Variants in SLC47A1 observed in about 807,000 individuals in gnomAD.
The protein encoded by SLC47A1 is solute carrier family 47 member 1, also known as multidrug and toxin extrusion protein 1.
A neutral mutation model predicts 65.8 loss-of-function variants in SLC47A1; 58 were observed. The observed-to-expected ratio is 0.88, with a 90% CI of 0.71 to 1.10. SLC47A1 has a LOEUF of 1.10. Among genes scored for constraint, SLC47A1 ranks in the 50% least tolerant of loss-of-function variants. The pLI is 0.00. For missense variants in SLC47A1, 706 were observed against 719.2 expected (o/e 0.98, Z 0.21); for synonymous variants, 285 against 295.0 (o/e 0.97, Z 0.35).
chr17:19,549,762 C>A, intron 5 of SLC47A1, 85 bp downstream of exon 5: 2 of 1,426,946 alleles, frequency 1.4e-6, no homozygotes, highest in Non-Finnish European at 2.0e-6. Flanking sequence ...AGTGTATTGG[C>A]TCAGTCTTAG....
At chr17:19,534,934 T>C (rs1374022278) in intron 1 of SLC47A1, 1 of 152,164 alleles carries the variant, frequency 6.6e-6, no homozygotes, top group Non-Finnish European at 1.5e-5. Context: ...TGGTATGCAC[T>C]TAAGGCGTGA....
chr17:19,546,642 C>A, intron 3 of SLC47A1, 139 bp downstream of exon 3: 1 of 752,426 alleles, frequency 1.3e-6, no homozygotes, highest in Non-Finnish European at 2.2e-6. Flanking sequence ...TTCTCCTGGC[C>A]TGCTTTCTTT....
At chr17:19,544,110 A>T (rs1916226438) in intron 2 of SLC47A1, among the ~76,000 whole-genome samples, 1 of 151,854 alleles carries the variant, frequency 6.6e-6, no homozygotes, top group Non-Finnish European at 1.5e-5. Context: ...ACACCCAGCT[A>T]ATTTTTTGTA....
At chr17:19,547,583 C>G (rs904305558) in intron 3 of SLC47A1, among the ~76,000 whole-genome samples, 1 of 151,814 alleles carries the variant, frequency 6.6e-6, no homozygotes, top group African/African-American at 2.4e-5. Flanking sequence ...TGAATTAAGT[C>G]CAGAATATCA....
Position 19,571,500 on chromosome 17 carries a change from C to G in SLC47A1, c.1332C>G (p.Ile444Met), listed in dbSNP as rs767607174. The G allele has an allele frequency of 3.7e-6, 6 of 1,613,816 alleles. No individual in the cohort carries two copies. The highest frequency in any genetic ancestry group is 4.2e-6 in the Non-Finnish European group (5 of 1,179,896). ...TAGGTCTGTGGTCAGGGATCATCAT[C>G]TGTACAGTCTTTCAAGCTGTGTGTT... is the stretch of plus-strand genomic sequence containing the variant. ...GVMGLWSGII[I>M]CTVFQAVCFL... Residue 444 changes from isoleucine (I) to methionine (M), a missense_variant, in exon 15 of 17, where the codon ATC (isoleucine) becomes ATG (methionine). Physicochemically the swap from Ile to Met is conservative, Grantham distance 10. Coordinates refer to ENST00000270570, the MANE Select transcript of SLC47A1 (RefSeq NM_018242.3).
At chr17:19,549,362 T>C (rs1197029730) in intron 4 of SLC47A1, among the ~76,000 whole-genome samples, 1 of 151,638 alleles carries the variant, frequency 6.6e-6, no homozygotes, top group Non-Finnish European at 1.5e-5. Flanking sequence ...CCACACTTGG[T>C]TAATATTTGT....
At chr17:19,557,697 T>G in intron 10 of SLC47A1, 1 of 495,602 alleles carries the variant, frequency 2.0e-6, no homozygotes. Context: ...CTCTCGTTGG[T>G]GATAAGGAAC....
Position 19,560,372 on chromosome 17 carries a change from A to G in SLC47A1, c.1031-46A>G, listed in dbSNP as rs8081204. 24,550 of 1,612,294 alleles carry G rather than the reference A, an allele frequency of 0.015. 1,671 individuals are homozygous for G. The African/African-American group carries it at 0.19, about 12-fold the overall frequency. On this transcript the variant is annotated intron_variant, in intron 11 of 16. Coordinates refer to ENST00000270570, the MANE Select transcript of SLC47A1 (RefSeq NM_018242.3). ...ACCCAGGCTCCTCCACTTCCTGTGGATCTTCTTGTTCACTGTGTTGTTTCT... is the reference window on the plus strand; with the variant it reads ...ACCCAGGCTCCTCCACTTCCTGTGGGTCTTCTTGTTCACTGTGTTGTTTCT...
In SLC47A1 at chr17:19,577,863, A is replaced by G; in HGVS notation, c.*310A>G. 2 of 1,254,964 alleles carry G rather than the reference A, an allele frequency of 1.6e-6. No individual in the cohort carries two copies. The highest frequency in any genetic ancestry group is 2.0e-6 in the Non-Finnish European group (2 of 986,782). The allele number at this position is 1,254,964 out of a possible 1,614,324, so 77.7% of individuals were successfully genotyped here. ...TACTTCTGCTATTTTTTTAGACACA[A>G]ACCCATAAACTAACTGCTTAAGAAT... On this transcript the variant is annotated 3_prime_UTR_variant, in exon 17 of 17. Coordinates refer to ENST00000270570, the MANE Select transcript of SLC47A1 (RefSeq NM_018242.3).
At chr17:19,565,552 C>T (rs563901403) in intron 12 of SLC47A1, among the ~76,000 whole-genome samples, 3 of 150,596 alleles carry the variant, frequency 2.0e-5, no homozygotes, top group Admixed American at 6.6e-5. Flanking sequence ...GTTTAGTCAC[C>T]TGCAGTCAAT....
At chr17:19,548,259 G>A (rs771764639) in intron 4 of SLC47A1, 126 bp downstream of exon 4, 25 of 1,161,692 alleles carry the variant, frequency 2.2e-5, no homozygotes, top group East Asian at 5.0e-5. Context: ...CTTGGCTGAC[G>A]TCTCCTAGGT....
Position 19,577,177 on chromosome 17 carries a change from G to A in SLC47A1, c.1487-150G>A, listed in dbSNP as rs1334300201. ...AGGAGTGAGTGGAGGGGCACTCTGC[G>A]ATAAGATTTCTTTTATTTATTCACT... On this transcript the variant is annotated intron_variant, in intron 16 of 16. Transcript: ENST00000270570. 8 of 1,179,316 alleles carry A rather than the reference G, an allele frequency of 6.8e-6. No homozygotes were observed. In the East Asian group the frequency reaches 7.7e-5, roughly 11 times the overall value. 73.1% of individuals were successfully genotyped at this position (1,179,316 alleles called of 1,614,324 possible). A position where few individuals can be genotyped will look rare whatever the true frequency, so the allele number is the denominator to read the frequency against.
chr17:19,536,934 G>A, intron 1 of SLC47A1, among the ~76,000 whole-genome samples: 1 of 152,232 alleles, frequency 6.6e-6, no homozygotes, highest in East Asian at 1.9e-4. Flanking sequence ...CAATGGAAAT[G>A]TGAGCCGAAT....
chr17:19,560,679 G>A (rs2084301965), intron 12 of SLC47A1, among the ~76,000 whole-genome samples, 186 bp downstream of exon 12: 1 of 152,110 alleles, frequency 6.6e-6, no homozygotes, highest in African/African-American at 2.4e-5. Flanking sequence ...AGGAGTTCAA[G>A]GCCAGCCTGA....
chr17:19,554,870 C>T (rs569548625), intron 6 of SLC47A1, among the ~76,000 whole-genome samples: 1 of 152,320 alleles, frequency 6.6e-6, no homozygotes, highest in South Asian at 2.1e-4. Context: ...CTCCTATCGT[C>T]CAGTGTCAAA....
At chr17:19,541,357 G>A (rs1425898178) in intron 1 of SLC47A1, among the ~76,000 whole-genome samples, 1 of 152,172 alleles carries the variant, frequency 6.6e-6, no homozygotes, top group Non-Finnish European at 1.5e-5. Flanking sequence ...AGCCTGCCAG[G>A]GGAGAGGGGC....
intron 6 of SLC47A1, among the ~76,000 whole-genome samples, chr17:19,552,243 A>G (rs904976408): frequency 6.6e-6 from 1 of 152,268 alleles, no homozygotes; most frequent in African/African-American, 2.4e-5. Context: ...GGGTCTTGCT[A>G]TGTTGCCCAG....
At chr17:19,545,977 C>T (rs1490653662) in intron 2 of SLC47A1, among the ~76,000 whole-genome samples, 2 of 152,036 alleles carry the variant, frequency 1.3e-5, no homozygotes, top group African/African-American at 4.8e-5. Context: ...AATCCCAGCA[C>T]TTTGGGAGGC....
intron 5 of SLC47A1, among the ~76,000 whole-genome samples, chr17:19,551,145 C>T (rs1406169062): frequency 6.6e-6 from 1 of 152,162 alleles, no homozygotes; most frequent in Non-Finnish European, 1.5e-5. Flanking sequence ...GCCAGTGTCC[C>T]CAGAAGAGTC....
Sources: allele counts gnomAD v4.1 joint callset (sites outside exome capture counted in the v4.1 genomes callset), GRCh38; gene constraint gnomAD v4.1.1; transcripts MANE v1.5; gene names NCBI Gene and HGNC (gene_info 2026-07-23, HGNC 2026-07-21).